The following SPAG16 variants were observed in gnomAD, a reference collection of about 807,000 sequenced individuals.
SPAG16 encodes sperm associated antigen 16, also known as sperm-associated antigen 16 protein.
A neutral mutation model predicts 80.4 loss-of-function variants in SPAG16; 86 were observed. The observed-to-expected ratio is 1.07, with a 90% CI of 0.90 to 1.28. The LOEUF is 1.28. Among genes scored for constraint, SPAG16 ranks in the 50% most tolerant of loss-of-function variants. The probability of loss-of-function intolerance (pLI) is 0.00; values close to 1 mark genes in which losing one functional copy is unlikely to be tolerated. For synonymous variants in SPAG16, 294 were observed against 265.9 expected (o/e 1.11, Z -1.03); for missense variants, 870 against 765.3 (o/e 1.14, Z -1.61).
chr2:214,304,586 A>G (rs938213176), intron 15 of SPAG16, among the ~76,000 whole-genome samples: 12 of 152,296 alleles, frequency 7.9e-5, no homozygotes, highest in Admixed American at 2.6e-4. Context: ...ATTTCTGTTC[A>G]GGGCTCTCAA....
intron 11 of SPAG16, among the ~76,000 whole-genome samples, chr2:213,891,869 G>GCAAAA (rs771523024): frequency 1.3e-5 from 2 of 152,088 alleles, no homozygotes; most frequent in Non-Finnish European, 2.9e-5. Flanking sequence ...TTCTGCACTG[G>GCAAAA]CAAAACTGAG....
intron 1 of SPAG16, among the ~76,000 whole-genome samples, chr2:213,294,849 C>A (rs1005324986): frequency 1.3e-5 from 2 of 152,258 alleles, no homozygotes; most frequent in African/African-American, 4.8e-5. Flanking sequence ...TATGGTGAAA[C>A]CTAAACATCT....
chr2:213,566,416 C>A (rs2059767281), intron 10 of SPAG16, among the ~76,000 whole-genome samples: 2 of 152,166 alleles, frequency 1.3e-5, no homozygotes, highest in South Asian at 2.1e-4. Flanking sequence ...GTTTCTCTCA[C>A]CCCCTTCAAT....
At chr2:213,697,776 A>G (rs2065223335) in intron 10 of SPAG16, among the ~76,000 whole-genome samples, 1 of 152,120 alleles carries the variant, frequency 6.6e-6, no homozygotes, top group East Asian at 1.9e-4. Context: ...CTCTTCTTTC[A>G]GGCCATTTCC....
At chr2:213,468,602 T>C (rs930350366) in intron 9 of SPAG16, among the ~76,000 whole-genome samples, 88 of 144,368 alleles carry the variant, frequency 6.1e-4, no homozygotes, top group African/African-American at 2.3e-3. Context: ...GATATATATA[T>C]CTATGTATTT....
At chr2:213,764,673 A>T (rs2068838564) in intron 10 of SPAG16, among the ~76,000 whole-genome samples, 1 of 152,304 alleles carries the variant, frequency 6.6e-6, no homozygotes, top group Non-Finnish European at 1.5e-5. Flanking sequence ...CAAAATATTT[A>T]CTACTACTGA....
chr2:214,251,574 A>C (rs1021630132), intron 15 of SPAG16, among the ~76,000 whole-genome samples: 6 of 152,178 alleles, frequency 3.9e-5, no homozygotes, highest in Non-Finnish European at 8.8e-5. Context: ...TTGATTTTAA[A>C]AATGATCAGT....
intron 11 of SPAG16, among the ~76,000 whole-genome samples, chr2:213,924,909 C>G (rs1457972510): frequency 6.6e-6 from 1 of 151,740 alleles, no homozygotes; most frequent in East Asian, 1.9e-4. Context: ...TTTTTTCCTC[C>G]TTTCCTATTT....
intron 11 of SPAG16, among the ~76,000 whole-genome samples, chr2:213,926,333 C>G (rs1207460646): frequency 6.6e-6 from 1 of 151,928 alleles, no homozygotes; most frequent in East Asian, 1.9e-4. Flanking sequence ...TTGGTGCACC[C>G]ATCACCCAAG....
chr2:214,024,128 T>C (rs1260539056), intron 13 of SPAG16, among the ~76,000 whole-genome samples: 1 of 151,670 alleles, frequency 6.6e-6, no homozygotes. Flanking sequence ...ACTCCTGTCA[T>C]AGTTGAGACA....
At chr2:213,878,482 C>T (rs1272967715) in intron 11 of SPAG16, among the ~76,000 whole-genome samples, 1 of 152,052 alleles carries the variant, frequency 6.6e-6, no homozygotes, top group Non-Finnish European at 1.5e-5. Context: ...TCTTTGCCCA[C>T]TTTTTATTGG....
At chr2:214,095,722 T>G (rs994714186) in intron 13 of SPAG16, among the ~76,000 whole-genome samples, 1 of 152,100 alleles carries the variant, frequency 6.6e-6, no homozygotes, top group Non-Finnish European at 1.5e-5. Flanking sequence ...TATAGATCCT[T>G]AATGTGCATA....
At position 213,917,901 on chromosome 2, in the gene SPAG16, G is replaced by T. The variant is rs573965774; in HGVS notation, c.1215-12059G>T. On this transcript the variant is annotated intron_variant, in intron 11 of 15. Coordinates refer to ENST00000331683, the MANE Select transcript of SPAG16 (RefSeq NM_024532.5). Reference sequence around the variant, plus strand: ...CTTTTGCCCATTCAGTATGATGTTGGTTGTGGGTTTGTCATAGATGGCTCT... The same window carrying T: ...CTTTTGCCCATTCAGTATGATGTTGTTTGTGGGTTTGTCATAGATGGCTCT... Among the ~76,000 whole-genome samples, 118 of 152,264 alleles carry T rather than the reference G, an allele frequency of 7.7e-4. 1 individual carries two copies. Among genetic ancestry groups the T allele is most frequent in the African/African-American group, 2.7e-3 (112 of 41,552 alleles).
chr2:213,377,837 T>C (rs2066954045), intron 9 of SPAG16, among the ~76,000 whole-genome samples: 1 of 151,758 alleles, frequency 6.6e-6, no homozygotes, highest in Non-Finnish European at 1.5e-5. Flanking sequence ...TGATGAGCAC[T>C]GTATTAGTCA....
Position 213,528,091 on chromosome 2 carries a change from G to A in SPAG16, c.1070+38001G>A, listed in dbSNP as rs112502844. Among the ~76,000 whole-genome samples the A allele has an allele frequency of 7.9e-4, 120 of 152,212 alleles. 2 individuals carry two copies. Among genetic ancestry groups the A allele is most frequent in the Middle Eastern group, 3.4e-3 (1 of 294 alleles). On this transcript the variant is annotated intron_variant, in intron 10 of 15. Coordinates refer to ENST00000331683, the MANE Select transcript of SPAG16 (RefSeq NM_024532.5). ...CATAGACTTTGAAAATATAACAGAAGAGATGAAGCTTATATGGGATTTTAG... is the reference window on the plus strand; with the variant it reads ...CATAGACTTTGAAAATATAACAGAAAAGATGAAGCTTATATGGGATTTTAG...
intron 10 of SPAG16, among the ~76,000 whole-genome samples, chr2:213,566,150 T>G (rs115946325): frequency 0.015 from 2,219 of 151,904 alleles, 23 homozygotes; most frequent in South Asian, 0.036. Context: ...GTTGCTGGAG[T>G]GAAGGAGGAG....
At chr2:213,428,826 T>C (rs2070107798) in intron 9 of SPAG16, among the ~76,000 whole-genome samples, 1 of 152,058 alleles carries the variant, frequency 6.6e-6, no homozygotes, top group South Asian at 2.1e-4. Context: ...GCATGGTGGC[T>C]CATGCCTGTA....
chr2:214,313,233 G>A (rs189853284), intron 15 of SPAG16, among the ~76,000 whole-genome samples: 1 of 152,076 alleles, frequency 6.6e-6, no homozygotes, highest in African/African-American at 2.4e-5. Flanking sequence ...ATAAATATTT[G>A]TCAATGCTGC....
intron 15 of SPAG16, among the ~76,000 whole-genome samples, chr2:214,223,019 T>C (rs2058617482): frequency 6.6e-6 from 1 of 152,224 alleles, no homozygotes; most frequent in South Asian, 2.1e-4. Context: ...ACATTCACTT[T>C]GTGGTTAATG....
Sources: gnomAD v4.1 joint callset for allele counts (sites outside exome capture counted in the v4.1 genomes callset) on GRCh38, gnomAD v4.1.1 for gene constraint, MANE v1.5 for transcripts, NCBI Gene and HGNC (gene_info 2026-07-23, HGNC 2026-07-21) for gene names.